The following ACSM3 variants were observed in gnomAD, a reference collection of about 807,000 sequenced individuals.
ACSM3 encodes acyl-CoA synthetase medium chain family member 3.
A neutral mutation model predicts 74.1 loss-of-function variants in ACSM3; 61 were observed. The observed-to-expected ratio is 0.82, with a 90% confidence interval of 0.67 to 1.02. The LOEUF (loss-of-function observed/expected upper bound fraction) is 1.02, where lower values mean the gene tolerates loss of function less well. Ranked by LOEUF, ACSM3 falls within the 50% of genes least tolerant of loss-of-function variation. The probability of loss-of-function intolerance (pLI) is 0.00; values close to 1 mark genes in which losing one functional copy is unlikely to be tolerated. For synonymous variants in ACSM3, 213 were observed against 241.5 expected (o/e 0.88, Z 1.09); for missense variants, 660 against 697.0 (o/e 0.95, Z 0.60).
At chr16:20,737,666 T>C in intron 1 of ACSM3, 1 of 1,560,586 alleles carries the variant, frequency 6.4e-7, no homozygotes, top group Non-Finnish European at 8.6e-7. Context: ...AAACAAGTAT[T>C]TACCATTGAA....
At chr16:20,769,160 A>G (rs924389761) in intron 1 of ACSM3, among the ~76,000 whole-genome samples, 3 of 152,252 alleles carry the variant, frequency 2.0e-5, no homozygotes, top group Non-Finnish European at 2.9e-5. Context: ...AGAGTAATAT[A>G]TATTGCATTG....
upstream of ACSM3, among the ~76,000 whole-genome samples, chr16:20,761,499 AC>A (rs1348981106): frequency 6.6e-6 from 1 of 152,172 alleles, no homozygotes; most frequent in East Asian, 1.9e-4. Flanking sequence ...AGGACATGAC[AC>A]CCAAGCTGGT....
intron 1 of ACSM3, chr16:20,738,688 C>T (rs2079891601): frequency 7.0e-6 from 4 of 570,112 alleles, no homozygotes; most frequent in Non-Finnish European, 1.2e-5. Flanking sequence ...AAGGAAGCAG[C>T]AAAGCCAGGT....
At chr16:20,718,019 AG>A (rs1567323333) in intron 1 of ACSM3, among the ~76,000 whole-genome samples, 3 of 149,046 alleles carry the variant, frequency 2.0e-5, no homozygotes, top group African/African-American at 7.6e-5. Context: ...AAGAAGAAGA[AG>A]AAGAAGAAAA....
At chr16:20,701,507 GA>G in intron 1 of ACSM3, among the ~76,000 whole-genome samples, 1 of 152,196 alleles carries the variant, frequency 6.6e-6, no homozygotes, top group South Asian at 2.1e-4. Flanking sequence ...TTCAGAGCCA[GA>G]TAGACCAAAC....
intron 8 of ACSM3, among the ~76,000 whole-genome samples, chr16:20,785,568 GAATGAAATAAGAACAAAA>G (rs973102557): frequency 2.7e-4 from 41 of 151,764 alleles, no homozygotes; most frequent in East Asian, 7.7e-4. Flanking sequence ...TAGAGGAAAT[GAATGAAATAAGAACAAAA>G]AATGAAATAA....
chr16:20,702,573 CT>C (rs1234578616), intron 1 of ACSM3, among the ~76,000 whole-genome samples: 8 of 152,268 alleles, frequency 5.3e-5, no homozygotes, highest in African/African-American at 1.9e-4. Context: ...GGATGATGAG[CT>C]TTTTTTCAAA....
intron 4 of ACSM3, chr16:20,780,449 C>T (rs1473580161): frequency 1.6e-6 from 1 of 642,704 alleles, no homozygotes; most frequent in Non-Finnish European, 2.6e-6. Flanking sequence ...TTTAAAAATG[C>T]TTCAATCCTT....
chr16:20,676,951 A>C (rs2020319140), intron 1 of ACSM3, among the ~76,000 whole-genome samples: 1 of 152,168 alleles, frequency 6.6e-6, no homozygotes, highest in East Asian at 1.9e-4. Flanking sequence ...GCAGGACATA[A>C]AGTGTCAGAA....
rs573874915 is a variant in ACSM3 at position 20,685,124 on chromosome 16, C to T, written c.-190+10302C>T. 1.3e-4 allele frequency: 198 copies of T among 1,547,666 alleles called. No individual in the cohort carries two copies. In the African/African-American group the frequency reaches 2.4e-3, roughly 19 times the overall value. On this transcript the variant is annotated intron_variant, in intron 1 of 3. Transcript: ENST00000561584. ...CAGTGCCAGGCTGGGTGCACAGCAC[C>T]TAATATCTCAGGACCCATTGGTTCT... is the stretch of plus-strand genomic sequence containing the variant.
chr16:20,786,389 T>C, intron 9 of ACSM3: 1 of 870,144 alleles, frequency 1.1e-6, no homozygotes, highest in African/African-American at 1.8e-5. Context: ...TAATAAACGT[T>C]AACCCATTAG....
intron 1 of ACSM3, chr16:20,738,946 T>C (rs1463852858): frequency 1.9e-6 from 3 of 1,614,218 alleles, no homozygotes; most frequent in Non-Finnish European, 2.5e-6. Flanking sequence ...CACTTTCCAC[T>C]GACTGGAATC....
intron 1 of ACSM3, chr16:20,718,261 A>G (rs890876054): frequency 6.7e-6 from 2 of 297,746 alleles, no homozygotes. Flanking sequence ...TTCTGGTAAC[A>G]AGAGGGCATA....
chr16:20,740,025 A>T (rs12448683), intron 1 of ACSM3, among the ~76,000 whole-genome samples: 24,162 of 152,202 alleles, frequency 0.16, 2,577 homozygotes, highest in East Asian at 0.42. Flanking sequence ...TTTTGGTGAG[A>T]TTAGACCAAA....
At chr16:20,791,032 G>A in intron 10 of ACSM3, 2 of 1,278,416 alleles carry the variant, frequency 1.6e-6, no homozygotes, top group Non-Finnish European at 2.2e-6. Context: ...TTCTTTTCGG[G>A]AAGAGTGAGA....
At chr16:20,709,586 A>T (rs1228537103) in intron 1 of ACSM3, among the ~76,000 whole-genome samples, 1 of 152,232 alleles carries the variant, frequency 6.6e-6, no homozygotes, top group Non-Finnish European at 1.5e-5. Flanking sequence ...ATTATTTATA[A>T]GTCATTAAGA....
rs1439240936 is a variant in ACSM3, at chr16:20,678,434, C to A, written c.-190+3612C>A. ...CAATCCATGACAAGGGCTTACTCCACCCCCAGGAGTTCAGGAAACAGAAGC... is the reference window on the plus strand; with the variant it reads ...CAATCCATGACAAGGGCTTACTCCAACCCCAGGAGTTCAGGAAACAGAAGC... On this transcript the variant is annotated intron_variant, in intron 1 of 3. Transcript: ENST00000561584. 2.8e-4 allele frequency among the ~76,000 whole-genome samples: 42 copies of A among 152,170 alleles called. 1 individual carries two copies. Among genetic ancestry groups the A allele is most frequent in the Admixed American group, 2.7e-3 (42 of 15,278 alleles).
intron 1 of ACSM3, among the ~76,000 whole-genome samples, chr16:20,704,910 A>T (rs2079722615): frequency 6.6e-6 from 1 of 152,218 alleles, no homozygotes; most frequent in South Asian, 2.1e-4. Flanking sequence ...CACAATGAGT[A>T]TTGGTGGCAC....
chr16:20,727,094 T>A (rs571460100), intron 1 of ACSM3, among the ~76,000 whole-genome samples: 1 of 152,338 alleles, frequency 6.6e-6, no homozygotes, highest in South Asian at 2.1e-4. Context: ...ACATCTTTAA[T>A]AGCTAAGTTC....
Sources: gnomAD v4.1 joint callset for allele counts (sites outside exome capture counted in the v4.1 genomes callset) on GRCh38, gnomAD v4.1.1 for gene constraint, MANE v1.5 for transcripts, NCBI Gene and HGNC (gene_info 2026-07-23, HGNC 2026-07-21) for gene names.